ELF1: variants seen among roughly 807,000 people sequenced by gnomAD.
ELF1 encodes ETS-related transcription factor Elf-1.
In ELF1, 24 loss-of-function variants were observed where a neutral mutation model predicts 59.9. The ratio of observed to expected loss-of-function variants is 0.40; its 90% CI spans 0.29 to 0.56. The LOEUF (loss-of-function observed/expected upper bound fraction) is 0.56, where lower values mean the gene tolerates loss of function less well. Ranked by LOEUF, ELF1 falls within the 20% of genes least tolerant of loss-of-function variation. ELF1 has a pLI of 0.44. For missense variants in ELF1, 627 were observed against 742.2 expected (o/e 0.84, Z 1.80); for synonymous variants, 248 against 266.2 (o/e 0.93, Z 0.67).
chr13:41,044,810 A>C (rs1876772560), intron 1 of ELF1, among the ~76,000 whole-genome samples: 1 of 152,184 alleles, frequency 6.6e-6, no homozygotes, highest in African/African-American at 2.4e-5. Context: ...TGGCCTCATA[A>C]AATGAGTTAG....
intron 1 of ELF1, among the ~76,000 whole-genome samples, chr13:41,015,476 C>A (rs1468372683): frequency 6.6e-6 from 1 of 152,132 alleles, no homozygotes; most frequent in East Asian, 1.9e-4. Context: ...CTGCCTAAAA[C>A]TTCAAATATT....
intron 3 of ELF1, among the ~76,000 whole-genome samples, chr13:40,953,165 G>A (rs543761944): frequency 6.6e-5 from 10 of 151,984 alleles, no homozygotes; most frequent in South Asian, 4.2e-4. Flanking sequence ...CAGTAGAGAC[G>A]GGATTTCTCC....
intron 1 of ELF1, among the ~76,000 whole-genome samples, chr13:41,045,141 T>G (rs1449344409): frequency 6.6e-6 from 1 of 152,152 alleles, no homozygotes; most frequent in Non-Finnish European, 1.5e-5. Context: ...AGTTGTGATA[T>G]CCCCTTTATC....
At chr13:41,001,556 G>T (rs776097952) in intron 1 of ELF1, among the ~76,000 whole-genome samples, 3 of 152,114 alleles carry the variant, frequency 2.0e-5, no homozygotes. Context: ...CCAAAATAGC[G>T]TGGTTGGCAT....
At chr13:40,954,062 C>T (rs1871037670) in intron 3 of ELF1, among the ~76,000 whole-genome samples, 1 of 152,154 alleles carries the variant, frequency 6.6e-6, no homozygotes, top group Non-Finnish European at 1.5e-5. Context: ...CAGATACATG[C>T]ATAGTGGTGT....
chr13:40,955,844 T>C (rs1340652783), intron 3 of ELF1, among the ~76,000 whole-genome samples: 1 of 67,676 alleles, frequency 1.5e-5, no homozygotes, highest in African/African-American at 9.7e-5. Context: ...CGGCCACCCC[T>C]ACTGGGAAGA....
At chr13:40,980,337 C>T (rs1160206788) in intron 2 of ELF1, among the ~76,000 whole-genome samples, 2 of 152,016 alleles carry the variant, frequency 1.3e-5, no homozygotes, top group African/African-American at 4.8e-5. Flanking sequence ...CTTATAACAC[C>T]TGCACAAAAT....
intron 1 of ELF1, among the ~76,000 whole-genome samples, chr13:41,017,590 CT>C (rs1875482017): frequency 1.3e-5 from 2 of 152,016 alleles, no homozygotes; most frequent in African/African-American, 4.8e-5. Context: ...TTTACCCCCC[CT>C]TCTCCCTTCT....
intron 5 of ELF1, among the ~76,000 whole-genome samples, chr13:40,946,420 T>C (rs1454238032): frequency 6.6e-6 from 1 of 152,136 alleles, no homozygotes; most frequent in Non-Finnish European, 1.5e-5. Context: ...CCCTGCCCAA[T>C]CCACAGGCAA....
chr13:40,954,682 G>T (rs1296606369), intron 3 of ELF1, among the ~76,000 whole-genome samples: 1 of 152,104 alleles, frequency 6.6e-6, no homozygotes, highest in South Asian at 2.1e-4. Flanking sequence ...GCTCCTAACC[G>T]CGAGTGATCC....
chr13:41,009,507 C>T (rs1329941918), intron 1 of ELF1, among the ~76,000 whole-genome samples: 2 of 152,192 alleles, frequency 1.3e-5, no homozygotes, highest in Non-Finnish European at 2.9e-5. Context: ...CCTGCATGGA[C>T]ATTTAACATC....
intron 1 of ELF1, among the ~76,000 whole-genome samples, chr13:41,042,085 C>T (rs964778297): frequency 1.3e-5 from 2 of 152,100 alleles, no homozygotes; most frequent in Admixed American, 1.3e-4. Context: ...TGCAGTGGCA[C>T]GATCTAAGCT....
chr13:41,046,333 T>C (rs767268838), intron 1 of ELF1, among the ~76,000 whole-genome samples: 2 of 152,170 alleles, frequency 1.3e-5, no homozygotes, highest in Non-Finnish European at 2.9e-5. Flanking sequence ...CATTACTATG[T>C]TAGTTGGTTA....
chr13:40,933,422 T>C lies in ELF1; in HGVS notation c.*3A>G. Reference sequence around the variant, plus strand: ...CAATTATTCATAAGCTTTGGTATATTAACTAAAAAGAGTTGGGTTCCAGCA... The same window carrying C: ...CAATTATTCATAAGCTTTGGTATATCAACTAAAAAGAGTTGGGTTCCAGCA... On this transcript the variant is annotated 3_prime_UTR_variant, in exon 9 of 9. Coordinates refer to ENST00000239882, the MANE Select transcript of ELF1 (RefSeq NM_172373.4). The C allele has an allele frequency of 1.2e-6, 2 of 1,607,164 alleles. No homozygotes were observed. Among genetic ancestry groups the C allele is most frequent in the Non-Finnish European group, 1.7e-6 (2 of 1,176,866 alleles).
At chr13:40,958,255 T>C (rs1043470898) in intron 3 of ELF1, among the ~76,000 whole-genome samples, 1 of 152,216 alleles carries the variant, frequency 6.6e-6, no homozygotes, top group Non-Finnish European at 1.5e-5. Context: ...AAAAGAAATC[T>C]ATAAATCCCA....
chr13:40,995,072 G>A (rs77765827), intron 1 of ELF1, among the ~76,000 whole-genome samples: 3,244 of 152,252 alleles, frequency 0.021, 48 homozygotes, highest in Non-Finnish European at 0.036. Flanking sequence ...ACTGTATTCT[G>A]TTATAAGAAG....
chr13:40,983,021 C>T (rs757789405), intron 1 of ELF1: 24 of 224,164 alleles, frequency 1.1e-4, no homozygotes, highest in Non-Finnish European at 1.6e-4. Context: ...AAAACAGAAA[C>T]GCAACTTAGT....
chr13:41,034,802 A>AC (rs1363175305), intron 1 of ELF1, among the ~76,000 whole-genome samples: 2 of 151,310 alleles, frequency 1.3e-5, no homozygotes, highest in Non-Finnish European at 2.9e-5. Flanking sequence ...AAAAAAAAAA[A>AC]AAAAAAACCT....
chr13:41,054,714 T>A (rs2138438852), intron 1 of ELF1, among the ~76,000 whole-genome samples: 1 of 152,310 alleles, frequency 6.6e-6, no homozygotes, highest in East Asian at 1.9e-4. Context: ...AGGAGATTAT[T>A]ATTGGACTGC....
Sources: gnomAD v4.1 joint callset for allele counts (sites outside exome capture counted in the v4.1 genomes callset) on GRCh38, gnomAD v4.1.1 for gene constraint, MANE v1.5 for transcripts, NCBI Gene and HGNC (gene_info 2026-07-23, HGNC 2026-07-21) for gene names.